Variants in KYNU observed in about 807,000 individuals in gnomAD.
The protein encoded by KYNU is L-kynurenine hydrolase.
Under a neutral mutation model 59.2 loss-of-function variants are expected in KYNU, and 54 were observed. The observed-to-expected ratio is 0.91, with a 90% confidence interval of 0.73 to 1.14. The LOEUF is 1.14. KYNU is among the 50% of genes most tolerant of loss of function. The pLI is 0.00. For synonymous variants in KYNU, 177 were observed against 192.0 expected (o/e 0.92, Z 0.65); for missense variants, 567 against 554.4 (o/e 1.02, Z -0.23).
At chr2:143,000,504 GA>G (rs1405978253) in intron 10 of KYNU, among the ~76,000 whole-genome samples, 2 of 152,154 alleles carry the variant, frequency 1.3e-5, no homozygotes, top group Non-Finnish European at 2.9e-5. Flanking sequence ...GTGAATCACA[GA>G]ATTGCAATTT....
chr2:143,006,405 AC>A (rs1223324158), intron 10 of KYNU, among the ~76,000 whole-genome samples: 1 of 151,718 alleles, frequency 6.6e-6, no homozygotes, highest in Non-Finnish European at 1.5e-5. Context: ...GGAGGGTCCT[AC>A]GCCCATGGAA....
chr2:142,910,419 G>T (rs893596243), intron 2 of KYNU, among the ~76,000 whole-genome samples: 1 of 151,902 alleles, frequency 6.6e-6, no homozygotes, highest in South Asian at 2.1e-4. Flanking sequence ...TTTTAATGGG[G>T]TTATTTGTTT....
At chr2:142,887,171 A>ACAG (rs781404042) in intron 2 of KYNU, among the ~76,000 whole-genome samples, 2 of 29,372 alleles carry the variant, frequency 6.8e-5, no homozygotes, top group Non-Finnish European at 1.7e-4. Flanking sequence ...CTCCATCTCA[A>ACAG]CAACAACAAC....
intron 2 of KYNU, 131 bp from the exon 3 acceptor site, chr2:142,918,478 T>C (rs141070669): frequency 3.9e-6 from 4 of 1,023,210 alleles, no homozygotes; most frequent in African/African-American, 3.3e-5. Context: ...GATGTCATCC[T>C]TGGGAGTAAT....
chr2:142,964,256 AT>A (rs1573847584), intron 8 of KYNU, among the ~76,000 whole-genome samples: 1 of 152,124 alleles, frequency 6.6e-6, no homozygotes, highest in East Asian at 1.9e-4. Flanking sequence ...TACTCTAAAT[AT>A]TCACATAAAT....
At chr2:142,923,544 T>C (rs191470926) in intron 3 of KYNU, among the ~76,000 whole-genome samples, 3 of 152,308 alleles carry the variant, frequency 2.0e-5, no homozygotes, top group Admixed American at 2.0e-4. Flanking sequence ...TTGGGAATAA[T>C]AGTTTATATT....
At chr2:142,976,379 T>A (rs1684881951) in intron 8 of KYNU, among the ~76,000 whole-genome samples, 1 of 152,226 alleles carries the variant, frequency 6.6e-6, no homozygotes, top group African/African-American at 2.4e-5. Context: ...ATTCATGGCA[T>A]CCAGTTCTCT....
intron 10 of KYNU, chr2:142,988,733 C>G: frequency 2.4e-6 from 2 of 831,750 alleles, no homozygotes; most frequent in Non-Finnish European, 4.2e-6. Context: ...TTTTCTCACA[C>G]TCCTAAGCTT....
intron 2 of KYNU, among the ~76,000 whole-genome samples, chr2:142,904,786 G>A (rs185132338): frequency 6.6e-6 from 1 of 152,216 alleles, no homozygotes; most frequent in African/African-American, 2.4e-5. Flanking sequence ...CCTTTCCACG[G>A]TGTGTAACCA....
chr2:142,951,954 A>T lies in KYNU; in HGVS notation c.374-2856A>T, dbSNP rs1684005294. Among the ~76,000 whole-genome samples the T allele has an allele frequency of 1.3e-5, 2 of 152,230 alleles. 1 individual carries two copies. The highest frequency in any genetic ancestry group is 4.2e-4 in the South Asian group (2 of 4,814). On this transcript the variant is annotated intron_variant, in intron 4 of 13. Coordinates refer to ENST00000264170, the MANE Select transcript of KYNU (RefSeq NM_003937.3). ...GTGTAAGTGTAGTTTAATTCTGCCC[A>T]GCACATCTGGAGGGGAACATGTGTG... is the stretch of plus-strand genomic sequence containing the variant.
intron 8 of KYNU, among the ~76,000 whole-genome samples, chr2:142,972,379 T>A (rs1222147212): frequency 6.6e-6 from 1 of 152,130 alleles, no homozygotes; most frequent in Non-Finnish European, 1.5e-5. Flanking sequence ...ATTAGCAAAA[T>A]GCTCATTTTC....
At chr2:142,891,787 A>C (rs906299331) in intron 2 of KYNU, among the ~76,000 whole-genome samples, 1 of 152,230 alleles carries the variant, frequency 6.6e-6, no homozygotes, top group African/African-American at 2.4e-5. Context: ...TGTTAAATAA[A>C]AGATTTTATC....
At chr2:142,886,093 A>C (rs559865242) in intron 2 of KYNU, among the ~76,000 whole-genome samples, 20 of 152,284 alleles carry the variant, frequency 1.3e-4, no homozygotes, top group East Asian at 5.8e-4. Context: ...TAGTAATCTG[A>C]CTCTGTTCTG....
chr2:142,909,351 T>C (rs1682406815), intron 2 of KYNU, among the ~76,000 whole-genome samples: 1 of 152,200 alleles, frequency 6.6e-6, no homozygotes. Flanking sequence ...GTATTTTTTT[T>C]TTAATTTCAA....
intron 10 of KYNU, among the ~76,000 whole-genome samples, chr2:143,000,702 T>C (rs1020531660): frequency 1.3e-5 from 2 of 152,222 alleles, no homozygotes; most frequent in Non-Finnish European, 2.9e-5. Context: ...GTCTTAGTTA[T>C]AGCAGGTATT....
chr2:142,912,325 T>C (rs1202161371), intron 2 of KYNU, among the ~76,000 whole-genome samples: 1 of 151,962 alleles, frequency 6.6e-6, no homozygotes, highest in Non-Finnish European at 1.5e-5. Context: ...TGTCTAGTTT[T>C]CATGGATAAA....
chr2:142,882,937 G>A (rs1681352310), intron 1 of KYNU, among the ~76,000 whole-genome samples: 1 of 152,090 alleles, frequency 6.6e-6, no homozygotes, highest in East Asian at 1.9e-4. Flanking sequence ...CTAGTTTACA[G>A]TCCCACCAAC....
chr2:143,004,085 T>G (rs1407702706), intron 10 of KYNU, among the ~76,000 whole-genome samples: 1 of 152,176 alleles, frequency 6.6e-6, no homozygotes, highest in African/African-American at 2.4e-5. Flanking sequence ...TTCATGAAAA[T>G]GTAACAAATT....
At chr2:143,026,964 A>C (rs963280392) in intron 10 of KYNU, among the ~76,000 whole-genome samples, 5 of 152,208 alleles carry the variant, frequency 3.3e-5, no homozygotes, top group African/African-American at 1.2e-4. Context: ...TCTGGGATTA[A>C]TATAGGCACA....
Sources: gnomAD v4.1 joint callset for allele counts (sites outside exome capture counted in the v4.1 genomes callset) on GRCh38, gnomAD v4.1.1 for gene constraint, MANE v1.5 for transcripts, NCBI Gene and HGNC (gene_info 2026-07-23, HGNC 2026-07-21) for gene names.